The following PDE1A variants were observed in gnomAD, a reference collection of about 807,000 sequenced individuals.
The protein encoded by PDE1A is phosphodiesterase 1A.
In PDE1A, 35 loss-of-function variants were observed where a neutral mutation model predicts 61.7. The ratio of observed to expected loss-of-function variants is 0.57; its 90% confidence interval spans 0.43 to 0.75. The LOEUF (loss-of-function observed/expected upper bound fraction) is 0.75, where lower values mean the gene tolerates loss of function less well. Ranked by LOEUF, PDE1A falls within the 30% of genes least tolerant of loss-of-function variation. The pLI is 0.00. For synonymous variants in PDE1A, 232 were observed against 213.2 expected, an observed-to-expected ratio of 1.09 and a Z score of -0.77; for missense variants, 597 against 630.6, an observed-to-expected ratio of 0.95 and a Z score of 0.57.
chr2:182,653,855 C>G, the PDE1A span, among the ~76,000 whole-genome samples: 4 of 152,236 alleles, frequency 2.6e-5, no homozygotes, highest in South Asian at 2.1e-4. Context: ...GGGTCCTTCT[C>G]CCAGCTTCTG....
intron 1 of PDE1A, among the ~76,000 whole-genome samples, chr2:182,392,304 T>C (rs1237385120): frequency 6.6e-6 from 1 of 152,204 alleles, no homozygotes; most frequent in Non-Finnish European, 1.5e-5. Context: ...AACTACCCTC[T>C]ATAAAACCAT....
intron 10 of PDE1A, among the ~76,000 whole-genome samples, chr2:182,199,432 T>C (rs1686420882): frequency 6.6e-6 from 1 of 152,066 alleles, no homozygotes; most frequent in South Asian, 2.1e-4. Context: ...TTTTTTCTAA[T>C]GTAAGTATGT....
At chr2:182,622,765 C>T in the PDE1A span, among the ~76,000 whole-genome samples, 1 of 152,072 alleles carries the variant, frequency 6.6e-6, no homozygotes, top group Admixed American at 6.5e-5. Context: ...AAATTAGGGA[C>T]TCTGAGAGCC....
intron 7 of PDE1A, among the ~76,000 whole-genome samples, chr2:182,217,739 G>A (rs1688325838): frequency 7.1e-6 from 1 of 140,194 alleles, no homozygotes; most frequent in African/African-American, 2.7e-5. Context: ...ATACCAGTTA[G>A]AATGGCGATC....
chr2:182,680,419 G>T, the PDE1A span, among the ~76,000 whole-genome samples: 4 of 152,034 alleles, frequency 2.6e-5, no homozygotes, highest in South Asian at 8.3e-4. Context: ...ATTAAATTTT[G>T]TACAAAATTA....
chr2:182,634,676 T>C, the PDE1A span, among the ~76,000 whole-genome samples: 1 of 152,190 alleles, frequency 6.6e-6, no homozygotes, highest in Non-Finnish European at 1.5e-5. Context: ...GGGAGCATTA[T>C]GCGGTACTCA....
At chr2:182,432,423 CTGTTGT>C (rs10649015) in intron 2 of PDE1A, among the ~76,000 whole-genome samples, 5 of 150,936 alleles carry the variant, frequency 3.3e-5, no homozygotes, top group South Asian at 2.1e-4. Flanking sequence ...TTGAGCTTTG[CTGTTGT>C]TGTTGTTGTT....
chr2:182,506,845 G>T (rs1218637131), intron 2 of PDE1A, among the ~76,000 whole-genome samples: 1 of 152,138 alleles, frequency 6.6e-6, no homozygotes, highest in Non-Finnish European at 1.5e-5. Flanking sequence ...TGTTGCCAGG[G>T]TAACAGGATA....
chr2:182,346,395 GT>G (rs2125071769), intron 1 of PDE1A, among the ~76,000 whole-genome samples: 1 of 152,258 alleles, frequency 6.6e-6, no homozygotes, highest in East Asian at 1.9e-4. Context: ...GAGCAGACAT[GT>G]TTTCTTATGG....
chr2:182,214,564 A>C (rs1030013328), intron 7 of PDE1A, among the ~76,000 whole-genome samples: 1 of 151,770 alleles, frequency 6.6e-6, no homozygotes, highest in Non-Finnish European at 1.5e-5. Flanking sequence ...AAAAGGATGG[A>C]GGAAGATCTA....
At chr2:182,598,854 T>C in the PDE1A span, among the ~76,000 whole-genome samples, 2 of 152,204 alleles carry the variant, frequency 1.3e-5, no homozygotes, top group African/African-American at 4.8e-5. Context: ...ACCACTTTAC[T>C]ATGCTCCTGG....
chr2:182,347,882 G>A lies in PDE1A; in HGVS notation c.53+78696C>T, dbSNP rs564315473. ...AGCATAAAAACTGAAAATTAAAAAG[G>A]GTTTATGCTAGTTGAGGGGAAAAGT... On this transcript the variant is annotated intron_variant, in intron 1 of 13. Coordinates refer to ENST00000351439, the Ensembl canonical transcript of PDE1A. Among the ~76,000 whole-genome samples, 4 of 152,164 alleles carry A rather than the reference G, an allele frequency of 2.6e-5. No individual in the cohort carries two copies. The South Asian group carries it at 8.3e-4, about 32-fold the overall frequency.
At chr2:182,684,382 T>C in the PDE1A span, among the ~76,000 whole-genome samples, 2 of 152,240 alleles carry the variant, frequency 1.3e-5, no homozygotes, top group Non-Finnish European at 2.9e-5. Flanking sequence ...AAAAATAAGC[T>C]ACATAAATAT....
At chr2:182,619,718 T>G in the PDE1A span, among the ~76,000 whole-genome samples, 1 of 152,186 alleles carries the variant, frequency 6.6e-6, no homozygotes, top group Non-Finnish European at 1.5e-5. Context: ...TTCAGGAGTT[T>G]CATGCCACTG....
chr2:182,670,115 G>T, the PDE1A span, among the ~76,000 whole-genome samples: 1 of 152,162 alleles, frequency 6.6e-6, no homozygotes, highest in Non-Finnish European at 1.5e-5. Flanking sequence ...ACCACCACTG[G>T]ATTCTCTCTT....
intron 2 of PDE1A, among the ~76,000 whole-genome samples, chr2:182,256,085 T>C (rs1691783641): frequency 6.7e-6 from 1 of 148,974 alleles, no homozygotes; most frequent in Admixed American, 6.7e-5. Context: ...TTATTTTTCT[T>C]TCTTTTTTTT....
At chr2:182,537,816 G>C in the PDE1A span, among the ~76,000 whole-genome samples, 1 of 152,034 alleles carries the variant, frequency 6.6e-6, no homozygotes, top group African/African-American at 2.4e-5. Flanking sequence ...CAGAAGAAAA[G>C]TGGGTGAGTG....
chr2:182,285,568 CCTT>C (rs1372390068), intron 1 of PDE1A, among the ~76,000 whole-genome samples: 6 of 152,108 alleles, frequency 3.9e-5, no homozygotes, highest in African/African-American at 1.2e-4. Context: ...TAGAGTATAA[CCTT>C]CTTCTCCTAA....
intron 1 of PDE1A, among the ~76,000 whole-genome samples, chr2:182,352,654 T>C (rs1483809019): frequency 3.9e-5 from 3 of 76,112 alleles, no homozygotes; most frequent in Non-Finnish European, 6.6e-5. Flanking sequence ...CACTCTGTTG[T>C]TTTTTTTTTT....
Sources: allele counts gnomAD v4.1 joint callset (sites outside exome capture counted in the v4.1 genomes callset), GRCh38; gene constraint gnomAD v4.1.1; transcripts MANE v1.5; gene names NCBI Gene and HGNC (gene_info 2026-07-23, HGNC 2026-07-21).